The following RNF213 variants were observed in gnomAD, a reference collection of about 807,000 sequenced individuals.
RNF213 encodes the protein E3 ubiquitin-protein ligase RNF213.
A neutral mutation model predicts 514.4 loss-of-function variants in RNF213; 341 were observed. The ratio of observed to expected loss-of-function variants is 0.66; its 90% CI spans 0.61 to 0.73. The LOEUF is 0.73. Among genes scored for constraint, RNF213 ranks in the 30% least tolerant of loss-of-function variants. The pLI, the probability that RNF213 is intolerant of heterozygous loss-of-function variation, is 0.00. For synonymous variants in RNF213, 2,655 were observed against 2,658.2 expected (o/e 1.00, Z 0.04); for missense variants, 5,767 against 6,615.6 (o/e 0.87, Z 4.45).
At chr17:80,354,963 T>C (rs2078677620) in intron 36 of RNF213, 2 of 359,426 alleles carry the variant, frequency 5.6e-6, no homozygotes, top group Non-Finnish European at 1.1e-5. Flanking sequence ...CCAGTCCTGC[T>C]GTTTGAAGAA....
chr17:80,322,152 C>T (rs6565670), intron 17 of RNF213, among the ~76,000 whole-genome samples: 35 of 38,940 alleles, frequency 9.0e-4, no homozygotes, highest in African/African-American at 1.3e-3. Flanking sequence ...TCATCCCCCC[C>T]ACCCCCCCTT....
At chr17:80,273,111 G>A (rs1056391444) in intron 2 of RNF213, 130 bp from the exon 3 acceptor site, 1 of 1,238,712 alleles carries the variant, frequency 8.1e-7, no homozygotes. Flanking sequence ...CATGTTAGCA[G>A]GCCCAATGCA....
rs185359498 is a variant in RNF213, at chr17:80,395,720, C to T, written c.*2222C>T. ...GGGTAAGAGATAAACAGTAACCCTTCCAGGAGCCCACTGACGTTGGAGTGC... is the reference window on the plus strand; with the variant it reads ...GGGTAAGAGATAAACAGTAACCCTTTCAGGAGCCCACTGACGTTGGAGTGC... On this transcript the variant is annotated 3_prime_UTR_variant, in exon 68 of 68. Transcript: ENST00000582970. The T allele has an allele frequency of 1.3e-5, 2 of 152,372 alleles. No homozygotes were observed. The highest frequency in any genetic ancestry group is 3.9e-4 in the East Asian group (2 of 5,188). 9.4% of individuals were successfully genotyped at this position (152,372 alleles called of 1,614,324 possible). A position where few individuals can be genotyped will look rare whatever the true frequency, so the allele number is the denominator to read the frequency against.
intron 22 of RNF213, 86 bp downstream of exon 22, chr17:80,334,356 T>G: frequency 5.1e-6 from 7 of 1,383,916 alleles, no homozygotes; most frequent in Non-Finnish European, 6.7e-6. Context: ...TCTTTGGCAA[T>G]ACCTCCCCTT....
intron 13 of RNF213, 35 bp downstream of exon 13, chr17:80,307,236 A>G (rs768931409): frequency 1.9e-6 from 3 of 1,603,388 alleles, no homozygotes; most frequent in Non-Finnish European, 2.6e-6. Context: ...TCTCCCTCAC[A>G]TGCGGCCCCC....
At chr17:80,309,759 T>G (rs28678370) in intron 14 of RNF213, among the ~76,000 whole-genome samples, 1 of 151,828 alleles carries the variant, frequency 6.6e-6, no homozygotes, top group Non-Finnish European at 1.5e-5. Context: ...TTTTGTTTTT[T>G]GTTTTTTGTT....
intron 49 of RNF213, among the ~76,000 whole-genome samples, chr17:80,373,802 C>T (rs1476316537): frequency 3.3e-5 from 5 of 151,892 alleles, no homozygotes; most frequent in Non-Finnish European, 5.9e-5. Flanking sequence ...TTTGTCAAGA[C>T]CAGCCTGGCC....
At chr17:80,314,341 T>A (rs1230370108) in intron 15 of RNF213, among the ~76,000 whole-genome samples, 1 of 19,858 alleles carries the variant, frequency 5.0e-5, no homozygotes, top group Admixed American at 3.6e-4. Context: ...GTGGTGGTGG[T>A]GGTGGTGGAG....
At chr17:80,333,071 T>C (rs2046460648) in intron 21 of RNF213, among the ~76,000 whole-genome samples, 2 of 151,098 alleles carry the variant, frequency 1.3e-5, no homozygotes, top group South Asian at 4.2e-4. Context: ...TTTTTTGAGA[T>C]GGAGTCTCGC....
intron 5 of RNF213, among the ~76,000 whole-genome samples, chr17:80,289,054 C>T (rs976283566): frequency 2.0e-5 from 3 of 152,094 alleles, no homozygotes; most frequent in Admixed American, 1.3e-4. Context: ...GGGATGGTCC[C>T]CGGAGGTGTC....
chr17:80,318,041 T>C lies in RNF213; in HGVS notation c.2901+764T>C, dbSNP rs74380888. ...CTGGTCCAGGTGTCTGGCTGGCTCT[T>C]CCCTGAAGTCAGGACGTCTTTCCGA... On this transcript the variant is annotated intron_variant, in intron 16 of 67. Transcript: ENST00000582970. Among the ~76,000 whole-genome samples, 579 of 152,212 alleles carry C rather than the reference T, an allele frequency of 3.8e-3. 4 individuals are homozygous for C. Among genetic ancestry groups the C allele is most frequent in the African/African-American group, 0.013 (551 of 41,526 alleles).
At position 80,347,460 on chromosome 17, in the gene RNF213, T is replaced by G; in HGVS notation, c.9125T>G (p.Leu3042Ter). ...CAGGAAGATGCTGAGTCCCGCTACTTACTCGTGCTGACCAAAAACTACGTG... is the reference window on the plus strand; with the variant it reads ...CAGGAAGATGCTGAGTCCCGCTACTGACTCGTGCTGACCAAAAACTACGTG... Reference protein sequence around the residue: ...GEQEDAESRYLLVLTKNYVAL... With the variant: ...GEQEDAESRY The change falls in exon 29 of 68, where the codon TTA becomes TGA. Residue 3042 changes from leucine (L) to a stop codon, truncating the protein, a stop_gained. Transcript: ENST00000582970. LOFTEE classifies it high-confidence loss of function. The surrounding 1 kb of genome is among the most constrained non-coding windows in gnomAD (Gnocchi z 7.2). 2.5e-6 allele frequency: 4 copies of G among 1,614,070 alleles called. No individual in the cohort carries two copies. Among genetic ancestry groups the G allele is most frequent in the Non-Finnish European group, 3.4e-6 (4 of 1,180,032 alleles).
chr17:80,345,869 C>G lies in RNF213; in HGVS notation c.7534C>G (p.Leu2512Val). The stretch of plus-strand genomic sequence containing the variant: ...TGATCATATGGTGGATGGCCAGCCT[C>G]TGGCTGAGGACTCTGGCCTGCATAT... ...LCDHMVDGQP[L>V]AEDSGLHIIA... is the part of the protein sequence containing the mutation. Residue 2512 changes from leucine (L) to valine (V), a missense_variant, in exon 29 of 68, where the codon CTG (leucine) becomes GTG (valine). Coordinates refer to ENST00000582970, the MANE Select transcript of RNF213 (RefSeq NM_001256071.3). This position sits in a 1 kb window ranked among gnomAD's most constrained non-coding sequence, Gnocchi z 6.0. 1.9e-6 allele frequency: 3 copies of G among 1,614,178 alleles called. No homozygotes were observed. Among genetic ancestry groups the G allele is most frequent in the South Asian group, 1.1e-5 (1 of 91,088 alleles).
At chr17:80,282,643 C>T (rs1242784721) in intron 3 of RNF213, among the ~76,000 whole-genome samples, 1 of 152,060 alleles carries the variant, frequency 6.6e-6, no homozygotes, top group Non-Finnish European at 1.5e-5. Flanking sequence ...TGTGATCCAC[C>T]CGCCTCGGTC....
rs147131622 is a variant in RNF213, at chr17:80,386,753, C to T, written c.14784C>T (p.Asp4928=). The change falls in exon 63 of 68, where the codon GAC becomes GAT. Residue 4928 remains aspartate, a synonymous_variant. Transcript: ENST00000582970. ...LHVISYEVER[D]LTPLILSNCQ... ...TCATCAGTTATGAAGTGGAGCGGGA[C>T]CTGACTCCACTGATTCTCTCCAACT... The T allele has an allele frequency of 1.4e-3, 2,339 of 1,614,158 alleles. 7 individuals carry two copies. The highest frequency in any genetic ancestry group is 5.1e-3 in the Middle Eastern group (31 of 6,062).
intron 36 of RNF213, 183 bp downstream of exon 36, chr17:80,354,759 A>G (rs2078668324): frequency 4.2e-6 from 3 of 712,884 alleles, no homozygotes; most frequent in East Asian, 2.7e-5. Flanking sequence ...CAGTGGCCAA[A>G]TGGCAGGTGC....
rs1201468563 is a variant in RNF213, at chr17:80,328,483, A to T, written c.3517+6A>T. 1.5e-5 allele frequency: 23 copies of T among 1,537,148 alleles called. No individual in the cohort carries two copies. The highest frequency in any genetic ancestry group is 1.8e-5 in the Non-Finnish European group (21 of 1,146,908). ...CGTGAAACATCTGATACAAGGTGGTATTCCTGAGAAGTGAACAAAGTTGAG... is the reference window on the plus strand; with the variant it reads ...CGTGAAACATCTGATACAAGGTGGTTTTCCTGAGAAGTGAACAAAGTTGAG... On this transcript the variant is annotated splice_donor_region_variant and intron_variant, in intron 20 of 67. Transcript: ENST00000582970.
chr17:80,347,442 A>T lies in RNF213; in HGVS notation c.9107A>T (p.Asp3036Val), dbSNP rs2078349700. 6 of 1,614,076 alleles carry T rather than the reference A, an allele frequency of 3.7e-6. No individual in the cohort carries two copies. The East Asian group carries it at 1.3e-4, about 36-fold the overall frequency. Residue 3036 changes from aspartate (D) to valine (V), a missense_variant, in exon 29 of 68, where the codon GAT becomes GTT. Around this residue, in one of 13 missense-constraint regions of RNF213, gnomAD observed 919 missense variants for 1,121.0 expected, o/e 0.82. Coordinates refer to ENST00000582970, the MANE Select transcript of RNF213 (RefSeq NM_001256071.3). This position sits in a 1 kb window ranked among gnomAD's most constrained non-coding sequence, Gnocchi z 7.2. ...SQKVPGGEQEDAESRYLLVLT... is the reference protein window; with the variant it reads ...SQKVPGGEQEVAESRYLLVLT... The stretch of plus-strand genomic sequence containing the variant: ...AAGGTGCCGGGTGGAGAGCAGGAAG[A>T]TGCTGAGTCCCGCTACTTACTCGTG...
intron 61 of RNF213, 73 bp from the exon 62 acceptor site, chr17:80,386,177 C>T: frequency 6.8e-7 from 1 of 1,461,896 alleles, no homozygotes; most frequent in Non-Finnish European, 9.5e-7. Flanking sequence ...CTTCTGCATC[C>T]CTCCTCCCCA....
Sources: allele counts gnomAD v4.1 joint callset (sites outside exome capture counted in the v4.1 genomes callset), GRCh38; gene constraint gnomAD v4.1.1; regional missense constraint gnomAD v4.1.1; non-coding constraint Gnocchi (gnomAD v3.1); transcripts MANE v1.5; gene names NCBI Gene and HGNC (gene_info 2026-07-23, HGNC 2026-07-21).